Variants in ATP11A observed in about 807,000 individuals in gnomAD.
ATP11A encodes ATPase phospholipid transporting 11A, also known as phospholipid-transporting ATPase IH.
A neutral mutation model predicts 154.4 loss-of-function variants in ATP11A; 81 were observed. The observed-to-expected ratio is 0.52, with a 90% CI of 0.44 to 0.63. ATP11A has a LOEUF of 0.63. Ranked by LOEUF, ATP11A falls within the 30% of genes least tolerant of loss-of-function variation. The probability of loss-of-function intolerance (pLI) is 0.00; values close to 1 mark genes in which losing one functional copy is unlikely to be tolerated. For missense variants in ATP11A, 1,316 were observed against 1,474.3 expected (o/e 0.89, Z 1.76); for synonymous variants, 623 against 585.9 (o/e 1.06, Z -0.91).
intron 1 of ATP11A, among the ~76,000 whole-genome samples, chr13:112,770,358 G>C (rs2077196744): frequency 6.6e-6 from 1 of 152,194 alleles, no homozygotes; most frequent in Admixed American, 6.5e-5. Flanking sequence ...TTCATGGCAG[G>C]AGAATGCCAC....
intron 1 of ATP11A, chr13:112,747,386 G>C (rs1282023219): frequency 6.6e-6 from 1 of 152,260 alleles, no homozygotes; most frequent in East Asian, 1.9e-4. Context: ...GCGTCCACGG[G>C]TAAGGACCTC....
chr13:112,810,021 G>A (rs554528477), intron 4 of ATP11A, among the ~76,000 whole-genome samples: 187 of 152,328 alleles, frequency 1.2e-3, no homozygotes, highest in Middle Eastern at 6.8e-3. Flanking sequence ...TGTTTCCCGC[G>A]TGGGTTACTC....
At chr13:112,854,227 C>G (rs1333679492) in intron 18 of ATP11A, 52 bp from the exon 19 acceptor site, 50 of 1,579,280 alleles carry the variant, frequency 3.2e-5, no homozygotes, top group Non-Finnish European at 4.2e-5. Flanking sequence ...ATTTGGATTC[C>G]TGGGTCAGCA....
At chr13:112,871,849 G>T (rs2080532136) in intron 26 of ATP11A, 49 bp downstream of exon 26, 1 of 1,541,592 alleles carries the variant, frequency 6.5e-7, no homozygotes. Flanking sequence ...GTGAACCCCT[G>T]CAGTGTAGGC....
intron 11 of ATP11A, 80 bp from the exon 12 acceptor site, chr13:112,826,613 GC>G: frequency 8.9e-7 from 1 of 1,118,268 alleles, no homozygotes; most frequent in Non-Finnish European, 1.4e-6. Context: ...TTATGCCTAA[GC>G]CTGAGGTGTT....
chr13:112,758,997 T>C (rs986606119), intron 1 of ATP11A, among the ~76,000 whole-genome samples: 3 of 152,240 alleles, frequency 2.0e-5, no homozygotes, highest in African/African-American at 7.2e-5. Context: ...ATTCATTTAA[T>C]AAAAAGTTGA....
intron 6 of ATP11A, among the ~76,000 whole-genome samples, chr13:112,817,612 C>T (rs2078680243): frequency 1.3e-5 from 2 of 152,240 alleles, no homozygotes; most frequent in Admixed American, 6.5e-5. Flanking sequence ...GCTGCCTTTA[C>T]ACCCCTTCCC....
chr13:112,700,915 G>C (rs1314067096), intron 1 of ATP11A, among the ~76,000 whole-genome samples: 1 of 152,210 alleles, frequency 6.6e-6, no homozygotes, highest in Non-Finnish European at 1.5e-5. Context: ...ACGTGCGTGG[G>C]CTTGGACCTG....
rs1566528492 is a variant in ATP11A, at chr13:112,819,880, CGT to C, written c.675-18_675-17del. Reference sequence around the variant, plus strand: ...GCCGCTGGGCGCGTCCGGTCAGTAACGTGGCTTTTCTGTCGCCAGGTTCGTGG... The same window carrying C: ...GCCGCTGGGCGCGTCCGGTCAGTAACGGCTTTTCTGTCGCCAGGTTCGTGG... On this transcript the variant is annotated intron_variant, in intron 7 of 29. Transcript: ENST00000375645. The C allele has an allele frequency of 6.2e-7, 1 of 1,614,020 alleles. No homozygotes were observed. Among genetic ancestry groups the C allele is most frequent in the East Asian group, 2.2e-5 (1 of 44,884 alleles).
intron 2 of ATP11A, among the ~76,000 whole-genome samples, chr13:112,803,406 C>T (rs1046450057): frequency 1.9e-4 from 29 of 152,342 alleles, no homozygotes; most frequent in African/African-American, 6.5e-4. Flanking sequence ...CCAGAACCCA[C>T]CTTCGAATGG....
chr13:112,737,356 C>A (rs951964276), intron 1 of ATP11A, among the ~76,000 whole-genome samples: 1 of 152,186 alleles, frequency 6.6e-6, no homozygotes, highest in Non-Finnish European at 1.5e-5. Flanking sequence ...ACACCCAGGG[C>A]AGGTTAGGCA....
rs9550230 is a variant in ATP11A, at chr13:112,845,793, T to A, written c.1809+3414T>A. On this transcript the variant is annotated intron_variant, in intron 17 of 29. Transcript: ENST00000375645. ...ACTAGCGGTACTAACCAGTCCAGTT[T>A]CCAGGCACTAGTGATACTAACCAGT... is the stretch of plus-strand genomic sequence containing the variant. Among the ~76,000 whole-genome samples, 684 of 74,582 alleles carry A rather than the reference T, an allele frequency of 9.2e-3. 19 individuals carry two copies. Among genetic ancestry groups the A allele is most frequent in the African/African-American group, 0.023 (367 of 16,214 alleles). The allele number at this position is 74,582 out of a possible 152,430, so 48.9% of individuals were successfully genotyped here.
chr13:112,875,973 C>T lies in ATP11A; in HGVS notation c.3327+32C>T, dbSNP rs61574741. ...AGTGTCCCCAGCCGGGGCGGGGGTGCCTCAGGGCCCTGGCCTTAGGATTGG... is the reference window on the plus strand; with the variant it reads ...AGTGTCCCCAGCCGGGGCGGGGGTGTCTCAGGGCCCTGGCCTTAGGATTGG... On this transcript the variant is annotated intron_variant, in intron 28 of 29. Transcript: ENST00000375645. This position sits in a 1 kb window ranked among gnomAD's most constrained non-coding sequence, Gnocchi z 4.1. The T allele has an allele frequency of 4.3e-3, 6,856 of 1,591,456 alleles. 201 individuals carry two copies. In the African/African-American group the frequency reaches 0.07, roughly 16 times the overall value.
chr13:112,789,439 G>A (rs59584070), intron 2 of ATP11A, among the ~76,000 whole-genome samples: 32 of 142,862 alleles, frequency 2.2e-4, no homozygotes, highest in African/African-American at 4.2e-4. Context: ...AATTCACACC[G>A]GTATCCTGAC....
chr13:112,708,008 G>A (rs1476868433), intron 1 of ATP11A, among the ~76,000 whole-genome samples: 1 of 152,138 alleles, frequency 6.6e-6, no homozygotes, highest in East Asian at 1.9e-4. Flanking sequence ...CAACAGGAAG[G>A]GCCCAATTCT....
Position 112,851,217 on chromosome 13 carries a change from C to T in ATP11A, c.1990C>T (p.Arg664Trp), listed in dbSNP as rs2079755112. The change falls in exon 18 of 30, where the codon CGG becomes TGG. Residue 664 changes from arginine to tryptophan, a missense_variant and splice_region_variant. By Grantham distance (101) the Arg-to-Trp change is moderately radical (BLOSUM62 -3). Coordinates refer to ENST00000375645, the MANE Select transcript of ATP11A (RefSeq NM_015205.3). Reference sequence around the variant, plus strand: ...GCTTGGTGCTACAGCTGTTGAGGACCGGTAAAGTAAACGCATGCATCCCGT... The same window carrying T: ...GCTTGGTGCTACAGCTGTTGAGGACTGGTAAAGTAAACGCATGCATCCCGT... ...TLLGATAVEDRLQEKAADTIE... is the reference protein window; with the variant it reads ...TLLGATAVEDWLQEKAADTIE... The T allele has an allele frequency of 3.7e-6, 6 of 1,611,440 alleles. No homozygotes were observed. Among genetic ancestry groups the T allele is most frequent in the East Asian group, 2.2e-5 (1 of 44,840 alleles).
chr13:112,808,021 G>GGAGGA lies in ATP11A; in HGVS notation c.333+1742_333+1746dup, dbSNP rs575832301. 7.2e-5 allele frequency among the ~76,000 whole-genome samples: 11 copies of GGAGGA among 152,256 alleles called. No individual in the cohort carries two copies. In the South Asian group the frequency reaches 1.0e-3, roughly 14 times the overall value. On this transcript the variant is annotated intron_variant, in intron 4 of 29. Transcript: ENST00000375645. ...CTCCTGAGATCTCCAGGAGTGTCCT[G>GGAGGA]GAGGAGAGGAGAGGAGAGCGTGGAG...
Position 112,882,503 on chromosome 13 carries a change from G to A in ATP11A, c.*637G>A, listed in dbSNP as rs754634582. 3.0e-5 allele frequency: 14 copies of A among 466,016 alleles called. No homozygotes were observed. The highest frequency in any genetic ancestry group is 1.1e-4 in the South Asian group (2 of 17,986). 28.9% of individuals were successfully genotyped at this position (466,016 alleles called of 1,614,324 possible). ...CAATCCGGATGCTGTGGGAAGGGCC[G>A]GGTCACTCGGATACCATCATCCCTG... On this transcript the variant is annotated 3_prime_UTR_variant, in exon 30 of 30. Coordinates refer to ENST00000375645, the MANE Select transcript of ATP11A (RefSeq NM_015205.3). The surrounding 1 kb of genome is among the most constrained non-coding windows in gnomAD (Gnocchi z 5.1).
rs543735129 is a variant in ATP11A at position 112,761,086 on chromosome 13, C to T, written c.40-24049C>T. 4.1e-4 allele frequency among the ~76,000 whole-genome samples: 62 copies of T among 152,310 alleles called. No homozygotes were observed. In the South Asian group the frequency reaches 9.3e-3, roughly 23 times the overall value. On this transcript the variant is annotated intron_variant, in intron 1 of 29. Coordinates refer to ENST00000375645, the MANE Select transcript of ATP11A (RefSeq NM_015205.3). The stretch of plus-strand genomic sequence containing the variant: ...CGCTCCAGGGACTGAACCCTCCCTT[C>T]GTCCAGCGTCTCCAGGCTGCGGACG...
Sources: allele counts gnomAD v4.1 joint callset (sites outside exome capture counted in the v4.1 genomes callset), GRCh38; gene constraint gnomAD v4.1.1; non-coding constraint Gnocchi (gnomAD v3.1); transcripts MANE v1.5; gene names NCBI Gene and HGNC (gene_info 2026-07-23, HGNC 2026-07-21).